The following WWOX variants were observed in gnomAD, a reference collection of about 807,000 sequenced individuals.
The protein encoded by WWOX is WW domain containing oxidoreductase, also known as WW domain-containing oxidoreductase.
Under a neutral mutation model 46.2 loss-of-function variants are expected in WWOX, and 69 were observed. That is an observed-to-expected ratio of 1.49 (90% confidence interval 1.23 to 1.82). WWOX has a LOEUF of 1.82. Among genes scored for constraint, WWOX ranks in the 40% most tolerant of loss-of-function variants. The pLI is 0.00. For missense variants in WWOX, 919 were observed against 542.6 expected, an observed-to-expected ratio of 1.69 and a Z score of -6.89; for synonymous variants, 359 against 202.6, an observed-to-expected ratio of 1.77 and a Z score of -6.56.
At chr16:78,480,939 T>C (rs895121297) in intron 8 of WWOX, among the ~76,000 whole-genome samples, 1 of 152,222 alleles carries the variant, frequency 6.6e-6, no homozygotes, top group Non-Finnish European at 1.5e-5. Context: ...TTGGATATAG[T>C]TCTTAGAATA....
intron 8 of WWOX, among the ~76,000 whole-genome samples, chr16:78,733,734 G>A (rs576893499): frequency 2.0e-5 from 3 of 152,038 alleles, no homozygotes; most frequent in African/African-American, 7.2e-5. Flanking sequence ...CAGCCTGGGC[G>A]ACAGAGTGAG....
intron 8 of WWOX, among the ~76,000 whole-genome samples, chr16:78,920,739 A>G (rs2045359009): frequency 2.0e-5 from 3 of 152,200 alleles, no homozygotes; most frequent in African/African-American, 7.2e-5. Flanking sequence ...TTTTATTATC[A>G]GCACCATTTC....
At chr16:79,103,212 G>C (rs1054043181) in intron 8 of WWOX, among the ~76,000 whole-genome samples, 1 of 152,146 alleles carries the variant, frequency 6.6e-6, no homozygotes, top group Non-Finnish European at 1.5e-5. Context: ...CCTATTGACT[G>C]CAGTGTTGCC....
intron 8 of WWOX, among the ~76,000 whole-genome samples, chr16:79,169,224 T>C (rs1428524187): frequency 6.6e-6 from 1 of 152,026 alleles, no homozygotes; most frequent in African/African-American, 2.4e-5. Flanking sequence ...GGCATTTGGC[T>C]CCAGGTTTTT....
At chr16:78,894,029 A>ATTATTATTATTATTG (rs1555561432) in intron 8 of WWOX, among the ~76,000 whole-genome samples, 1 of 145,048 alleles carries the variant, frequency 6.9e-6, no homozygotes, top group Non-Finnish European at 1.5e-5. Context: ...TTTTATTATT[A>ATTATTATTATTATTG]TTATTATTAT....
chr16:78,232,254 C>G (rs971786126), intron 5 of WWOX, among the ~76,000 whole-genome samples: 1 of 152,104 alleles, frequency 6.6e-6, no homozygotes, highest in Non-Finnish European at 1.5e-5. Flanking sequence ...AGGGCAATTG[C>G]GGTCAAACAC....
At chr16:79,019,751 A>T (rs1038692347) in intron 8 of WWOX, among the ~76,000 whole-genome samples, 5 of 152,000 alleles carry the variant, frequency 3.3e-5, no homozygotes, top group African/African-American at 1.2e-4. Flanking sequence ...TGGTCCAGAG[A>T]GGGAAGAGAG....
rs140858637 is a variant in WWOX, at chr16:79,177,309, G to A, written c.1057-34299G>A. Among the ~76,000 whole-genome samples the A allele has an allele frequency of 2.8e-3, 421 of 152,176 alleles. 2 individuals are homozygous for A. Among genetic ancestry groups the A allele is most frequent in the African/African-American group, 9.9e-3 (410 of 41,506 alleles). On this transcript the variant is annotated intron_variant, in intron 8 of 8. Transcript: ENST00000566780. ...TATTCCTCGCCTGGCCTCATTGCTC[G>A]CTTCGTTTCGGAGGAAATTTTCCCT...
At chr16:78,889,642 T>C (rs1451826979) in intron 8 of WWOX, among the ~76,000 whole-genome samples, 1 of 152,172 alleles carries the variant, frequency 6.6e-6, no homozygotes, top group Non-Finnish European at 1.5e-5. Context: ...AAATTTGTTG[T>C]TTCCTTTTCA....
intron 5 of WWOX, among the ~76,000 whole-genome samples, chr16:78,329,700 T>C (rs2151891009): frequency 6.6e-6 from 1 of 152,264 alleles, no homozygotes; most frequent in African/African-American, 2.4e-5. Context: ...AACATATACA[T>C]GGGGAGGTCT....
chr16:78,448,765 A>G (rs145613093), intron 8 of WWOX, among the ~76,000 whole-genome samples: 1 of 152,180 alleles, frequency 6.6e-6, no homozygotes, highest in Non-Finnish European at 1.5e-5. Flanking sequence ...TGAAATGGGC[A>G]GTGAACTTCC....
intron 8 of WWOX, among the ~76,000 whole-genome samples, chr16:78,889,795 C>T (rs922172148): frequency 3.3e-5 from 5 of 152,110 alleles, no homozygotes; most frequent in Admixed American, 6.6e-5. Flanking sequence ...AGCTGCCACC[C>T]GAGGTTTAAA....
intron 8 of WWOX, among the ~76,000 whole-genome samples, chr16:78,705,745 A>G (rs563455209): frequency 3.5e-4 from 54 of 152,272 alleles, no homozygotes; most frequent in African/African-American, 1.2e-3. Flanking sequence ...GTAATGCTGT[A>G]TGTACCATCA....
At chr16:78,658,670 T>C (rs2047136587) in intron 8 of WWOX, among the ~76,000 whole-genome samples, 1 of 152,158 alleles carries the variant, frequency 6.6e-6, no homozygotes, top group Non-Finnish European at 1.5e-5. Flanking sequence ...ATGGCCATCT[T>C]CACTCTCTGT....
intron 8 of WWOX, among the ~76,000 whole-genome samples, chr16:79,111,561 A>G (rs2049416828): frequency 6.6e-6 from 1 of 152,204 alleles, no homozygotes; most frequent in African/African-American, 2.4e-5. Flanking sequence ...CTTTTGAAAG[A>G]GTACGATGGG....
chr16:78,906,538 C>T (rs891017987), intron 8 of WWOX, among the ~76,000 whole-genome samples: 1 of 152,116 alleles, frequency 6.6e-6, no homozygotes, highest in Non-Finnish European at 1.5e-5. Flanking sequence ...GCAGGGTAGT[C>T]CACGGCTTCC....
At chr16:78,963,343 C>T (rs942626251) in intron 8 of WWOX, among the ~76,000 whole-genome samples, 6 of 152,102 alleles carry the variant, frequency 3.9e-5, no homozygotes, top group Admixed American at 1.3e-4. Context: ...GTGGTGTATG[C>T]CTGTGGTCCC....
chr16:78,580,021 C>T (rs994308776), intron 8 of WWOX, among the ~76,000 whole-genome samples: 2 of 152,008 alleles, frequency 1.3e-5, no homozygotes. Context: ...TCCTGCTTTT[C>T]TCAAAGCCTA....
intron 8 of WWOX, among the ~76,000 whole-genome samples, chr16:78,732,674 A>T (rs2048996317): frequency 6.6e-6 from 1 of 152,192 alleles, no homozygotes; most frequent in African/African-American, 2.4e-5. Context: ...CCACCTAGAT[A>T]GGTGCAGGCA....
Sources: allele counts gnomAD v4.1 joint callset (sites outside exome capture counted in the v4.1 genomes callset), GRCh38; gene constraint gnomAD v4.1.1; transcripts MANE v1.5; gene names NCBI Gene and HGNC (gene_info 2026-07-23, HGNC 2026-07-21).